Variants in PIK3CG observed in about 807,000 individuals in gnomAD.
The protein encoded by PIK3CG is phosphatidylinositol 4,5-bisphosphate 3-kinase catalytic subunit gamma isoform.
Under a neutral mutation model 102.3 loss-of-function variants are expected in PIK3CG, and 55 were observed. The ratio of observed to expected loss-of-function variants is 0.54; its 90% CI spans 0.43 to 0.67. The LOEUF is 0.67. PIK3CG is among the 30% of genes least tolerant of loss of function. The pLI, the probability that PIK3CG is intolerant of heterozygous loss-of-function variation, is 0.00. For missense variants in PIK3CG, 1,258 were observed against 1,391.8 expected, an observed-to-expected ratio of 0.90 and a Z score of 1.53; for synonymous variants, 552 against 540.0, an observed-to-expected ratio of 1.02 and a Z score of -0.31.
chr7:106,899,258 T>C lies in PIK3CG; in HGVS notation c.3031-5851T>C, dbSNP rs1791485173. ...AGTTGTTTATCAGCTGGAGGAGCTT[T>C]TAGGCAGAGACTATGGGGTTTTCTA... is the stretch of plus-strand genomic sequence containing the variant. On this transcript the variant is annotated intron_variant, in intron 10 of 10. Transcript: ENST00000496166. This position sits in a 1 kb window ranked among gnomAD's most constrained non-coding sequence, Gnocchi z 4.6. Among the ~76,000 whole-genome samples, 1 of 152,224 alleles carries C rather than the reference T, an allele frequency of 6.6e-6. No individual in the cohort carries two copies. The highest frequency in any genetic ancestry group is 2.4e-5 in the African/African-American group (1 of 41,468).
chr7:106,882,299 C>A, intron 7 of PIK3CG, 92 bp downstream of exon 7: 1 of 536,130 alleles, frequency 1.9e-6, no homozygotes, highest in South Asian at 4.1e-5. Context: ...ACTGAAAAAT[C>A]ATAATCTTAA....
intron 2 of PIK3CG, among the ~76,000 whole-genome samples, chr7:106,871,575 G>A (rs1228801365): frequency 1.3e-5 from 2 of 152,152 alleles, no homozygotes; most frequent in Non-Finnish European, 2.9e-5. Context: ...TTCATAAAGT[G>A]TATACTCTGA....
In PIK3CG at chr7:106,867,574, A is replaced by G. The variant is rs2116415886; in HGVS notation, c.13A>G (p.Asn5Asp). The G allele has an allele frequency of 6.4e-7, 1 of 1,571,042 alleles. No individual in the cohort carries two copies. The highest frequency in any genetic ancestry group is 1.2e-5 in the South Asian group (1 of 86,744). Residue 5 changes from asparagine to aspartate, a missense_variant, in exon 2 of 11, where the codon AAC becomes GAC. Physicochemically the swap from Asn to Asp is conservative, Grantham distance 23. Transcript: ENST00000496166. The surrounding 1 kb of genome is among the most constrained non-coding windows in gnomAD (Gnocchi z 5.1). ...GGTCGCATAGGGCATGGAGCTGGAG[A>G]ACTATAAACAGCCCGTGGTGCTGAG... MELENYKQPVVLRED... is the reference protein window; with the variant it reads MELEDYKQPVVLRED...
rs2116435027 is a variant in PIK3CG, at chr7:106,868,254, G to A, written c.693G>A (p.Gln231=). 1 of 1,613,576 alleles carries A rather than the reference G, an allele frequency of 6.2e-7. No homozygotes were observed. The highest frequency in any genetic ancestry group is 8.5e-7 in the Non-Finnish European group (1 of 1,180,034). The change falls in exon 2 of 11, where the codon CAG becomes CAA. Residue 231 remains glutamine, a synonymous_variant. Coordinates refer to ENST00000496166, the MANE Select transcript of PIK3CG (RefSeq NM_001282426.2). This position sits in a 1 kb window ranked among gnomAD's most constrained non-coding sequence, Gnocchi z 6.2. ...FIVIHRSTTS[Q]TIKVSPDDTP... ...TCATTCACCGCAGCACCACCAGCCAGACCATTAAGGTCTCACCCGACGACA... is the reference window on the plus strand; with the variant it reads ...TCATTCACCGCAGCACCACCAGCCAAACCATTAAGGTCTCACCCGACGACA...
rs1044408799 is a variant in PIK3CG, at chr7:106,872,460, G to A, written c.1996-77G>A. 2.1e-5 allele frequency: 24 copies of A among 1,135,530 alleles called. No individual in the cohort carries two copies. The highest frequency in any genetic ancestry group is 3.1e-5 in the Non-Finnish European group (23 of 751,582). 70.3% of individuals were successfully genotyped at this position (1,135,530 alleles called of 1,614,324 possible). A position where few individuals can be genotyped will look rare whatever the true frequency, so the allele number is the denominator to read the frequency against. On this transcript the variant is annotated intron_variant, in intron 2 of 10. Transcript: ENST00000496166. The surrounding 1 kb of genome is among the most constrained non-coding windows in gnomAD (Gnocchi z 5.3). ...GAAGACCCAGTAAAGCAGAGCACCA[G>A]TTCTTCTCCATTTCCTTTTCCCTGA...
rs1790357072 is a variant in PIK3CG, at chr7:106,867,827, A to G, written c.266A>G (p.His89Arg). The G allele has an allele frequency of 6.2e-7, 1 of 1,612,402 alleles. No homozygotes were observed. The highest frequency in any genetic ancestry group is 8.5e-7 in the Non-Finnish European group (1 of 1,179,922). The change falls in exon 2 of 11, where the codon CAC (histidine) becomes CGC (arginine). Residue 89 changes from histidine (H) to arginine (R), a missense_variant. By Grantham distance (29) the His-to-Arg change is conservative. Transcript: ENST00000496166. The surrounding 1 kb of genome is among the most constrained non-coding windows in gnomAD (Gnocchi z 5.1). ...ACCAGCGTGGCGGCGGACTTCTACC[A>G]CCGGCTGGGACCGCATCACTTCCTC... is the stretch of plus-strand genomic sequence containing the variant. ...LETSVAADFY[H>R]RLGPHHFLLL...
Position 106,884,615 on chromosome 7 carries a change from G to A in PIK3CG, c.2872+349G>A, listed in dbSNP as rs770661908. On this transcript the variant is annotated intron_variant, in intron 9 of 10. Transcript: ENST00000496166. The surrounding 1 kb of genome is among the most constrained non-coding windows in gnomAD (Gnocchi z 4.2). ...CCCAACCTCTTTGGCACCAAGGACC[G>A]GCTTCTTGGAAGACACCTTTTCCAC... Among the ~76,000 whole-genome samples, 19 of 152,268 alleles carry A rather than the reference G, an allele frequency of 1.2e-4. No homozygotes were observed. The highest frequency in any genetic ancestry group is 2.4e-4 in the Non-Finnish European group (16 of 68,014).
intron 10 of PIK3CG, among the ~76,000 whole-genome samples, chr7:106,898,989 A>G (rs1349146953): frequency 6.6e-6 from 1 of 152,152 alleles, no homozygotes; most frequent in Non-Finnish European, 1.5e-5. Context: ...GACTCTTCCT[A>G]TCCATGAGCA....
In PIK3CG at chr7:106,899,669, G is replaced by C. The variant is rs1353013052; in HGVS notation, c.3031-5440G>C. 1.3e-5 allele frequency among the ~76,000 whole-genome samples: 2 copies of C among 152,128 alleles called. No homozygotes were observed. Among genetic ancestry groups the C allele is most frequent in the African/African-American group, 4.8e-5 (2 of 41,428 alleles). ...TTTGTATGTGAGAATCACATTTATT[G>C]ATTTGCGTATGTTGAACCAACCTTA... is the stretch of plus-strand genomic sequence containing the variant. On this transcript the variant is annotated intron_variant, in intron 10 of 10. Coordinates refer to ENST00000496166, the MANE Select transcript of PIK3CG (RefSeq NM_001282426.2). The surrounding 1 kb of genome is among the most constrained non-coding windows in gnomAD (Gnocchi z 4.6).
At position 106,908,045 on chromosome 7, in the gene PIK3CG, C is replaced by G. The variant is rs1414906428; in HGVS notation, c.*2658C>G. ...TCATCCTGCTACTGGGAACTACCCA[C>G]AGCTCTATCTTCAATGCCAGGTGAA... On this transcript the variant is annotated 3_prime_UTR_variant, in exon 11 of 11. Coordinates refer to ENST00000496166, the MANE Select transcript of PIK3CG (RefSeq NM_001282426.2). This position sits in a 1 kb window ranked among gnomAD's most constrained non-coding sequence, Gnocchi z 4.1. Among the ~76,000 whole-genome samples, 1 of 152,156 alleles carries G rather than the reference C, an allele frequency of 6.6e-6. No homozygotes were observed. Among genetic ancestry groups the G allele is most frequent in the Non-Finnish European group, 1.5e-5 (1 of 68,040 alleles).
At position 106,894,373 on chromosome 7, in the gene PIK3CG, A is replaced by G. The variant is rs999175620; in HGVS notation, c.3030+8081A>G. 9.9e-5 allele frequency among the ~76,000 whole-genome samples: 15 copies of G among 152,196 alleles called. No homozygotes were observed. Among genetic ancestry groups the G allele is most frequent in the African/African-American group, 3.1e-4 (13 of 41,458 alleles). ...TTCTAGCTAAATATTCGAGAAGATG[A>G]CAGTACAGCCCTTCTCCTGGTAAAC... On this transcript the variant is annotated intron_variant, in intron 10 of 10. Coordinates refer to ENST00000496166, the MANE Select transcript of PIK3CG (RefSeq NM_001282426.2). This position sits in a 1 kb window ranked among gnomAD's most constrained non-coding sequence, Gnocchi z 4.4.
rs2116439035 is a variant in PIK3CG at position 106,868,389 on chromosome 7, C to G, written c.828C>G (p.Gly276=). The G allele has an allele frequency of 6.2e-7, 1 of 1,614,226 alleles. No individual in the cohort carries two copies. The highest frequency in any genetic ancestry group is 8.5e-7 in the Non-Finnish European group (1 of 1,180,046). Residue 276 remains glycine, a synonymous_variant, in exon 2 of 11, where the codon GGC becomes GGG. Coordinates refer to ENST00000496166, the MANE Select transcript of PIK3CG (RefSeq NM_001282426.2). The surrounding 1 kb of genome is among the most constrained non-coding windows in gnomAD (Gnocchi z 6.2). ...SEQDFVLRVC[G]RDEYLVGETP... Reference sequence around the variant, plus strand: ...AGGATTTTGTGCTGCGCGTCTGTGGCCGGGATGAGTACCTGGTGGGCGAAA... The same window carrying G: ...AGGATTTTGTGCTGCGCGTCTGTGGGCGGGATGAGTACCTGGTGGGCGAAA...
In PIK3CG at chr7:106,882,297, A is replaced by G. The variant is rs1790965042; in HGVS notation, c.2629+90A>G. 3 of 544,270 alleles carry G rather than the reference A, an allele frequency of 5.5e-6. No individual in the cohort carries two copies. The South Asian group carries it at 1.2e-4, about 22-fold the overall frequency. 33.7% of individuals were successfully genotyped at this position (544,270 alleles called of 1,614,324 possible). On this transcript the variant is annotated intron_variant, in intron 7 of 10. Coordinates refer to ENST00000496166, the MANE Select transcript of PIK3CG (RefSeq NM_001282426.2). ...AGTGTAGACATTTAATAACTGAAAA[A>G]TCATAATCTTAATCTGTATAAAAAG...
Position 106,897,579 on chromosome 7 carries a change from T to C in PIK3CG, c.3031-7530T>C, listed in dbSNP as rs1376644873. On this transcript the variant is annotated intron_variant, in intron 10 of 10. Transcript: ENST00000496166. The surrounding 1 kb of genome is among the most constrained non-coding windows in gnomAD (Gnocchi z 4.6). ...CCAGTGTCTGTTGTTTCCTTCCTTG[T>C]GTTCATAAGTTCTTATCATTTAGCT... Among the ~76,000 whole-genome samples, 1 of 152,210 alleles carries C rather than the reference T, an allele frequency of 6.6e-6. No individual in the cohort carries two copies. The highest frequency in any genetic ancestry group is 6.5e-5 in the Admixed American group (1 of 15,280).
Position 106,874,257 on chromosome 7 carries a change from T to G in PIK3CG, c.2288-443T>G, listed in dbSNP as rs1282837146. Among the ~76,000 whole-genome samples the G allele has an allele frequency of 6.6e-6, 1 of 152,184 alleles. No individual in the cohort carries two copies. Among genetic ancestry groups the G allele is most frequent in the Non-Finnish European group, 1.5e-5 (1 of 68,032 alleles). On this transcript the variant is annotated intron_variant, in intron 4 of 10. Transcript: ENST00000496166. The surrounding 1 kb of genome is among the most constrained non-coding windows in gnomAD (Gnocchi z 4.3). The stretch of plus-strand genomic sequence containing the variant: ...CTCTACTTCTCTACAGAACCTAACT[T>G]CCTCTTCTGAAAAGAAATTACAGAA...
At position 106,867,993 on chromosome 7, in the gene PIK3CG, C is replaced by T. The variant is rs199659574; in HGVS notation, c.432C>T (p.Ser144=). ...ACCTGGTGCAGCGGCACCCGCCCTC[C>T]GAGGAGTCCCAAGCCTTCCAGCGGC... The part of the protein sequence containing the change: ...QIHLVQRHPP[S]EESQAFQRQL... Residue 144 remains serine (S), a synonymous_variant, in exon 2 of 11, where the codon TCC becomes TCT. Transcript: ENST00000496166. This position sits in a 1 kb window ranked among gnomAD's most constrained non-coding sequence, Gnocchi z 5.1. 9.3e-6 allele frequency: 15 copies of T among 1,612,256 alleles called. No individual in the cohort carries two copies. The highest frequency in any genetic ancestry group is 8.0e-5 in the African/African-American group (6 of 75,044).
Position 106,869,462 on chromosome 7 carries a change from A to G in PIK3CG, c.1901A>G (p.Asn634Ser), listed in dbSNP as rs370109310. 17 of 1,614,230 alleles carry G rather than the reference A, an allele frequency of 1.1e-5. No homozygotes were observed. Among genetic ancestry groups the G allele is most frequent in the East Asian group, 2.2e-5 (1 of 44,890 alleles). ...VGLTMQLLDC[N>S]FSDENVRAIA... is the part of the protein sequence containing the mutation. ...TTAACAATGCAGCTCCTGGACTGCA[A>G]CTTCTCAGATGAAAATGTAAGAGCC... Residue 634 changes from asparagine to serine, a missense_variant, in exon 2 of 11, where the codon AAC becomes AGC. Asn to Ser is a conservative substitution (Grantham distance 46, BLOSUM62 1). This residue lies in a region of PIK3CG where 426 missense variants were observed against 604.2 expected (regional missense o/e 0.71). Transcript: ENST00000496166. The surrounding 1 kb of genome is among the most constrained non-coding windows in gnomAD (Gnocchi z 5.3).
intron 5 of PIK3CG, among the ~76,000 whole-genome samples, chr7:106,876,160 C>A (rs1478246357): frequency 6.6e-6 from 1 of 150,488 alleles, no homozygotes; most frequent in Non-Finnish European, 1.5e-5. Flanking sequence ...ATGATCCACC[C>A]GCCTCGGCCT....
chr7:106,881,023 A>C (rs531175004), intron 6 of PIK3CG, among the ~76,000 whole-genome samples: 1 of 152,254 alleles, frequency 6.6e-6, no homozygotes, highest in East Asian at 1.9e-4. Context: ...TCTGGTCAAA[A>C]AAAACCTCTC....
Sources: gnomAD v4.1 joint callset for allele counts (sites outside exome capture counted in the v4.1 genomes callset) on GRCh38, gnomAD v4.1.1 for gene constraint, gnomAD v4.1.1 regional missense constraint, Gnocchi (gnomAD v3.1) non-coding constraint, MANE v1.5 for transcripts, NCBI Gene and HGNC (gene_info 2026-07-23, HGNC 2026-07-21) for gene names.